Variants in DOCK3 observed in about 807,000 individuals in gnomAD.
The protein encoded by DOCK3 is dedicator of cytokinesis protein 3.
A neutral mutation model predicts 265.6 loss-of-function variants in DOCK3; 60 were observed. The ratio of observed to expected loss-of-function variants is 0.23; its 90% CI spans 0.18 to 0.28. The LOEUF (loss-of-function observed/expected upper bound fraction) is 0.28. Ranked by LOEUF, DOCK3 falls within the 10% of genes least tolerant of loss-of-function variation. The pLI is 1.00. For missense variants in DOCK3, 1,981 were observed against 2,594.3 expected, an observed-to-expected ratio of 0.76 and a Z score of 5.14; for synonymous variants, 881 against 938.0, an observed-to-expected ratio of 0.94 and a Z score of 1.11.
At chr3:50,706,804 C>A (rs1329182814) in intron 1 of DOCK3, among the ~76,000 whole-genome samples, 1 of 149,780 alleles carries the variant, frequency 6.7e-6, no homozygotes, top group East Asian at 2.0e-4. Flanking sequence ...TTTTTTTGAT[C>A]TGACTTGGTT....
intron 5 of DOCK3, among the ~76,000 whole-genome samples, chr3:51,048,762 C>T (rs933556279): frequency 1.3e-5 from 2 of 151,786 alleles, no homozygotes; most frequent in African/African-American, 4.8e-5. Flanking sequence ...CTATGGGAGG[C>T]TGAGGCAGGA....
chr3:51,005,476 A>T (rs2078644369), intron 5 of DOCK3, among the ~76,000 whole-genome samples: 1 of 152,102 alleles, frequency 6.6e-6, no homozygotes, highest in Non-Finnish European at 1.5e-5. Flanking sequence ...TGAACTCCAC[A>T]CTTTTAACTA....
At chr3:50,881,094 C>G (rs1386314297) in intron 3 of DOCK3, among the ~76,000 whole-genome samples, 7 of 152,162 alleles carry the variant, frequency 4.6e-5, no homozygotes, top group Non-Finnish European at 1.0e-4. Flanking sequence ...ATAATAAAAA[C>G]TCTCAATAAA....
At chr3:51,094,137 T>G (rs953576427) in intron 9 of DOCK3, among the ~76,000 whole-genome samples, 23 of 152,144 alleles carry the variant, frequency 1.5e-4, no homozygotes, top group African/African-American at 5.1e-4. Context: ...TTTCTTTTTT[T>G]GTTGTGTCTC....
intron 27 of DOCK3, among the ~76,000 whole-genome samples, chr3:51,283,482 G>A (rs1420210805): frequency 6.6e-6 from 1 of 152,192 alleles, no homozygotes; most frequent in South Asian, 2.1e-4. Flanking sequence ...TCCTCTAGAA[G>A]CAATGCAGAG....
chr3:50,849,672 A>G (rs910471492), intron 3 of DOCK3, among the ~76,000 whole-genome samples: 28 of 152,354 alleles, frequency 1.8e-4, no homozygotes, highest in Admixed American at 1.5e-3. Flanking sequence ...GAAGACTAGA[A>G]TATTCAAAAT....
intron 5 of DOCK3, among the ~76,000 whole-genome samples, chr3:50,948,384 G>A (rs2076494438): frequency 7.2e-6 from 1 of 138,056 alleles, no homozygotes; most frequent in Non-Finnish European, 1.6e-5. Flanking sequence ...TGTAGAAATT[G>A]ATGTTGAAGT....
chr3:50,718,415 TG>T (rs1296505084), intron 1 of DOCK3, among the ~76,000 whole-genome samples: 1 of 152,202 alleles, frequency 6.6e-6, no homozygotes, highest in Non-Finnish European at 1.5e-5. Flanking sequence ...GTCTTTAAAA[TG>T]TTTCTCTAGT....
At chr3:50,896,862 A>T (rs2048918342) in intron 4 of DOCK3, among the ~76,000 whole-genome samples, 1 of 151,996 alleles carries the variant, frequency 6.6e-6, no homozygotes, top group South Asian at 2.1e-4. Flanking sequence ...TCTGTTTTGT[A>T]CTAGTACCTT....
Position 51,270,807 on chromosome 3 carries a change from T to C in DOCK3, c.2356-8T>C. 6.2e-7 allele frequency: 1 copy of C among 1,611,538 alleles called. No individual in the cohort carries two copies. ...CTGTGCTAACCACAGCTTCATTTGC[T>C]TCTGCAGGCTGCACTCCTCAATTCT... is the stretch of plus-strand genomic sequence containing the variant. On this transcript the variant is annotated splice_polypyrimidine_tract_variant and splice_region_variant and intron_variant, in intron 23 of 52. Transcript: ENST00000266037.
chr3:50,892,525 A>G (rs1304802039), intron 4 of DOCK3, among the ~76,000 whole-genome samples: 2 of 152,068 alleles, frequency 1.3e-5, no homozygotes, highest in African/African-American at 4.8e-5. Flanking sequence ...TTTGTCCCAG[A>G]TTGTGACTCT....
chr3:51,031,528 A>G (rs1175018195), intron 5 of DOCK3, among the ~76,000 whole-genome samples: 2 of 152,154 alleles, frequency 1.3e-5, no homozygotes, highest in Admixed American at 1.3e-4. Flanking sequence ...TCCTGATTTT[A>G]CCATGTTGAT....
intron 27 of DOCK3, among the ~76,000 whole-genome samples, chr3:51,280,651 A>C (rs1294734824): frequency 2.0e-5 from 3 of 152,128 alleles, no homozygotes. Flanking sequence ...AAGGGTGTGC[A>C]CTGCTCATTT....
In DOCK3 at chr3:51,015,828, ATATATTTC is replaced by A. The variant is rs374407311; in HGVS notation, c.316-48614_316-48607del. ...TATTTCTATATATGATATATATATC[ATATATTTC>A]TATATATGATATATATCATATATAT... On this transcript the variant is annotated intron_variant, in intron 5 of 52. Transcript: ENST00000266037. 1.0e-3 allele frequency among the ~76,000 whole-genome samples: 6 copies of A among 5,840 alleles called. 3 individuals carry two copies. Among genetic ancestry groups the A allele is most frequent in the African/African-American group, 4.3e-3 (6 of 1,396 alleles). 3.8% of individuals were successfully genotyped at this position (5,840 alleles called of 152,430 possible).
At chr3:50,680,881 GATAA>G (rs2034363269) in intron 1 of DOCK3, among the ~76,000 whole-genome samples, 2 of 151,990 alleles carry the variant, frequency 1.3e-5, no homozygotes, top group Admixed American at 1.3e-4. Flanking sequence ...TCCCTTATCA[GATAA>G]ATAGTTTGCA....
In DOCK3 at chr3:51,010,717, A is replaced by G. The variant is rs539567247; in HGVS notation, c.316-53731A>G. Among the ~76,000 whole-genome samples, 11 of 152,314 alleles carry G rather than the reference A, an allele frequency of 7.2e-5. No homozygotes were observed. The South Asian group carries it at 1.2e-3, about 17-fold the overall frequency. On this transcript the variant is annotated intron_variant, in intron 5 of 52. Transcript: ENST00000266037. The stretch of plus-strand genomic sequence containing the variant: ...TTGATGCAGTTTCCTCCTAGCATCA[A>G]TGGTCTTTACAATTTGGCACGCTTT...
In DOCK3 at chr3:51,380,147, C is replaced by CCCGTCA. The variant is rs372040628; in HGVS notation, c.5523_5524insCCGTCA (p.Asp1841_Ala1842insProSer). ...CAGGTCATTACTCCCTACACTTTGACGCCTTCCACCACCCTCTGGGTGATA... is the reference window on the plus strand; with the variant it reads ...CAGGTCATTACTCCCTACACTTTGACCCGTCAGCCTTCCACCACCCTCTGGGTGATA... On this transcript the variant is annotated inframe_insertion, in exon 52 of 53. Transcript: ENST00000266037. 6.2e-7 allele frequency: 1 copy of CCCGTCA among 1,613,688 alleles called. No individual in the cohort carries two copies. The highest frequency in any genetic ancestry group is 2.2e-5 in the East Asian group (1 of 44,878).
At chr3:51,010,499 G>C (rs2078901879) in intron 5 of DOCK3, among the ~76,000 whole-genome samples, 1 of 151,330 alleles carries the variant, frequency 6.6e-6, no homozygotes, top group South Asian at 2.1e-4. Flanking sequence ...CCTTTATTTT[G>C]AGCCTGTGTG....
intron 23 of DOCK3, among the ~76,000 whole-genome samples, chr3:51,263,275 TAAAG>T (rs1203204526): frequency 1.3e-5 from 2 of 152,156 alleles, no homozygotes; most frequent in Non-Finnish European, 2.9e-5. Context: ...TCAACATTCT[TAAAG>T]AAAAGAATTT....
Sources: allele counts gnomAD v4.1 joint callset (sites outside exome capture counted in the v4.1 genomes callset), GRCh38; gene constraint gnomAD v4.1.1; transcripts MANE v1.5; gene names NCBI Gene and HGNC (gene_info 2026-07-23, HGNC 2026-07-21).